SCN1A: variants seen among roughly 807,000 people sequenced by gnomAD.
The protein encoded by SCN1A is sodium voltage-gated channel alpha subunit 1.
SCN1A carries 13 observed loss-of-function variants against 193.7 expected under a neutral mutation model. The ratio of observed to expected loss-of-function variants is 0.07; its 90% CI spans 0.04 to 0.11. SCN1A has a LOEUF of 0.11. Ranked by LOEUF, SCN1A falls within the 10% of genes least tolerant of loss-of-function variation. The pLI, the probability that SCN1A is intolerant of heterozygous loss-of-function variation, is 1.00. For missense variants in SCN1A, 1,432 were observed against 2,451.1 expected (o/e 0.58, Z 8.78); for synonymous variants, 781 against 843.6 (o/e 0.93, Z 1.29).
At chr2:166,031,614 G>A (rs1245750175) in intron 19 of SCN1A, among the ~76,000 whole-genome samples, 2 of 151,878 alleles carry the variant, frequency 1.3e-5, no homozygotes, top group Non-Finnish European at 2.9e-5. Context: ...AGGGCAAAAG[G>A]CAAACAACAA....
chr2:166,119,400 T>C (rs1336147152), intron 2 of SCN1A, among the ~76,000 whole-genome samples: 2 of 152,148 alleles, frequency 1.3e-5, no homozygotes, highest in Non-Finnish European at 2.9e-5. Context: ...TTTTGCCAAC[T>C]TGATGAATTT....
intron 2 of SCN1A, among the ~76,000 whole-genome samples, chr2:166,124,538 C>G (rs1042763053): frequency 6.6e-6 from 1 of 152,064 alleles, no homozygotes; most frequent in African/African-American, 2.4e-5. Flanking sequence ...CAGAGTGAGA[C>G]TCTGTCTCAA....
In SCN1A at chr2:166,146,824, CCTT is replaced by C. The variant is rs775225337; in HGVS notation, c.-50+2220_-50+2222del. 2.6e-4 allele frequency among the ~76,000 whole-genome samples: 40 copies of C among 152,216 alleles called. No homozygotes were observed. The East Asian group carries it at 5.8e-3, about 22-fold the overall frequency. The stretch of plus-strand genomic sequence containing the variant: ...TAAAATGGAACTGTTGGAAAATAGA[CCTT>C]CTTATGGACATATTTAGACTTAAGG... On this transcript the variant is annotated intron_variant, in intron 1 of 26. Transcript: ENST00000635750.
intron 25 of SCN1A, chr2:165,999,216 T>C (rs1215522637): frequency 6.5e-6 from 1 of 153,670 alleles, no homozygotes; most frequent in Non-Finnish European, 1.4e-5. Flanking sequence ...CTCCAGTCAA[T>C]TTATGAATGC....
intron 19 of SCN1A, among the ~76,000 whole-genome samples, chr2:166,031,189 T>C (rs553225996): frequency 6.6e-6 from 1 of 152,210 alleles, no homozygotes; most frequent in Non-Finnish European, 1.5e-5. Flanking sequence ...GAGGAAGGTG[T>C]AGAAAAAACA....
Position 166,045,095 on chromosome 2 carries a change from G to C in SCN1A, c.1610C>G (p.Ser537Cys). ...DSIRRKGFRF[S>C]IEGNRLTYEK... ...ATATGTCAATCGGTTCCCTTCAATGGAGAAGCGAAAACCTTTCCTCCTGAT... is the reference window on the plus strand; with the variant it reads ...ATATGTCAATCGGTTCCCTTCAATGCAGAAGCGAAAACCTTTCCTCCTGAT... Residue 537 changes from serine to cysteine, a missense_variant, in exon 13 of 29, where the codon TCC (serine) becomes TGC (cysteine). Around this residue, in one of 18 missense-constraint regions of SCN1A, gnomAD observed 316 missense variants for 362.1 expected, o/e 0.87. Transcript: ENST00000674923. 1 of 1,614,132 alleles carries C rather than the reference G, an allele frequency of 6.2e-7. No homozygotes were observed. Among genetic ancestry groups the C allele is most frequent in the Non-Finnish European group, 8.5e-7 (1 of 1,180,024 alleles).
Position 166,118,283 on chromosome 2 carries a change from ACTGATTT to A in SCN1A, c.-142+8634_-142+8640del, listed in dbSNP as rs1223672595. On this transcript the variant is annotated intron_variant, in intron 2 of 28. Coordinates refer to ENST00000674923, the MANE Select transcript of SCN1A (RefSeq NM_001165963.4). Reference sequence around the variant, plus strand: ...ACTCCTATTTTCTTTTTCTTTGCTTACTGATTTCTATTTAGTTTCTTTTTTTTTTTTT... The same window carrying A: ...ACTCCTATTTTCTTTTTCTTTGCTTACTATTTAGTTTCTTTTTTTTTTTTT... Among the ~76,000 whole-genome samples the A allele has an allele frequency of 2.5e-4, 20 of 78,638 alleles. No homozygotes were observed. The South Asian group carries it at 8.4e-3, about 33-fold the overall frequency. The allele number at this position is 78,638 out of a possible 152,430, so 51.6% of individuals were successfully genotyped here. A position where few individuals can be genotyped will look rare whatever the true frequency, so the allele number is the denominator to read the frequency against.
chr2:166,094,702 C>A (rs932070528), intron 2 of SCN1A, among the ~76,000 whole-genome samples: 3 of 152,166 alleles, frequency 2.0e-5, no homozygotes, highest in African/African-American at 7.2e-5. Context: ...TAGAATTTAA[C>A]AACAACAAAA....
At chr2:166,074,185 TG>T (rs1684766627) in intron 3 of SCN1A, among the ~76,000 whole-genome samples, 1 of 152,216 alleles carries the variant, frequency 6.6e-6, no homozygotes, top group Non-Finnish European at 1.5e-5. Context: ...CTGTCTTGAC[TG>T]GGCTTTAACC....
chr2:166,117,973 A>T (rs550315584), intron 2 of SCN1A, among the ~76,000 whole-genome samples: 29 of 149,324 alleles, frequency 1.9e-4, no homozygotes, highest in African/African-American at 5.9e-4. Context: ...AAAAAAAAAA[A>T]TTTTTTTTTT....
At chr2:166,142,312 G>T (rs1692121746) in intron 1 of SCN1A, among the ~76,000 whole-genome samples, 1 of 152,148 alleles carries the variant, frequency 6.6e-6, no homozygotes, top group Non-Finnish European at 1.5e-5. Context: ...TTTCTTGTCA[G>T]GGCATTGACT....
intron 19 of SCN1A, among the ~76,000 whole-genome samples, chr2:166,033,753 A>G (rs1695945113): frequency 6.6e-6 from 1 of 151,484 alleles, no homozygotes; most frequent in African/African-American, 2.5e-5. Context: ...TGATCAATAT[A>G]AAAAAACAAT....
chr2:166,083,748 T>C (rs1163992355), intron 2 of SCN1A, among the ~76,000 whole-genome samples: 1 of 152,152 alleles, frequency 6.6e-6, no homozygotes, highest in Non-Finnish European at 1.5e-5. Flanking sequence ...AAATTTAGGA[T>C]CTCTTCTAGA....
chr2:165,992,373 C>A lies in SCN1A; in HGVS notation c.4902G>T (p.Leu1634=), dbSNP rs759993523. 24 of 1,613,516 alleles carry A rather than the reference C, an allele frequency of 1.5e-5. No individual in the cohort carries two copies. The South Asian group carries it at 2.5e-4, about 17-fold the overall frequency. Residue 1634 remains leucine, a synonymous_variant, in exon 29 of 29, where the codon CTG becomes CTT. Transcript: ENST00000674923. The surrounding 1 kb of genome is among the most constrained non-coding windows in gnomAD (Gnocchi z 6.5). ...TCCTAGCAAGACGGATCACTCGGAA[C>A]AGGGTAGGGGACACGAAATACTTTT... is the stretch of plus-strand genomic sequence containing the variant. ...LIEKYFVSPT[L]FRVIRLARIG...
Position 165,991,150 on chromosome 2 carries a change from G to T in SCN1A, c.*95C>A. The T allele has an allele frequency of 9.1e-7, 1 of 1,095,960 alleles. No individual in the cohort carries two copies. Among genetic ancestry groups the T allele is most frequent in the African/African-American group, 1.6e-5 (1 of 63,814 alleles). The allele number at this position is 1,095,960 out of a possible 1,614,324, so 67.9% of individuals were successfully genotyped here. A position where few individuals can be genotyped will look rare whatever the true frequency, so the allele number is the denominator to read the frequency against. On this transcript the variant is annotated 3_prime_UTR_variant, in exon 29 of 29. Coordinates refer to ENST00000674923, the MANE Select transcript of SCN1A (RefSeq NM_001165963.4). ...AGATTTGTGTAAAAACAGTCAGTTT[G>T]GCATTGACCTCCTAAAGGAGTCCTG... is the stretch of plus-strand genomic sequence containing the variant.
In SCN1A at chr2:165,998,167, G is replaced by C; in HGVS notation, c.4347C>G (p.Leu1449=). The C allele has an allele frequency of 6.2e-7, 1 of 1,603,436 alleles. No individual in the cohort carries two copies. The highest frequency in any genetic ancestry group is 8.5e-7 in the Non-Finnish European group (1 of 1,172,946). ...ACAGACTTTCTTCATACTTAGGCTG[G>C]AGTTCCACCTACCAAAGGGGAATAT... ...YAAVDSRNVE[L]QPKYEESLYM... The change falls in exon 26 of 29, where the codon CTC becomes CTG. Residue 1449 remains leucine, a synonymous_variant. Coordinates refer to ENST00000674923, the MANE Select transcript of SCN1A (RefSeq NM_001165963.4).
At chr2:166,015,872 G>C (rs1693224210) in intron 19 of SCN1A, 145 bp from the exon 20 acceptor site, 2 of 815,864 alleles carry the variant, frequency 2.5e-6, no homozygotes, top group Non-Finnish European at 3.9e-6. Flanking sequence ...TGAATAAGGG[G>C]AAGAAATAAG....
At chr2:166,015,473 T>C in intron 20 of SCN1A, 134 bp downstream of exon 20, 1 of 1,076,082 alleles carries the variant, frequency 9.3e-7, no homozygotes, top group Non-Finnish European at 1.4e-6. Flanking sequence ...TTTTTGTCTG[T>C]CAACATATTA....
At chr2:166,021,385 A>C (rs1484167853) in intron 19 of SCN1A, among the ~76,000 whole-genome samples, 1 of 152,206 alleles carries the variant, frequency 6.6e-6, no homozygotes, top group East Asian at 1.9e-4. Context: ...AACAAACAAA[A>C]TAAAATAAGT....
Sources: gnomAD v4.1 joint callset for allele counts (sites outside exome capture counted in the v4.1 genomes callset) on GRCh38, gnomAD v4.1.1 for gene constraint, gnomAD v4.1.1 regional missense constraint, Gnocchi (gnomAD v3.1) non-coding constraint, MANE v1.5 for transcripts, NCBI Gene and HGNC (gene_info 2026-07-23, HGNC 2026-07-21) for gene names.